MTUS2: variants seen among roughly 807,000 people sequenced by gnomAD.
The protein encoded by MTUS2 is microtubule associated scaffold protein 2, also known as microtubule-associated tumor suppressor candidate 2.
In MTUS2, 40 loss-of-function variants were observed where a neutral mutation model predicts 114.1. The observed-to-expected ratio is 0.35, with a 90% confidence interval of 0.27 to 0.46. The LOEUF (loss-of-function observed/expected upper bound fraction) is 0.46, where lower values mean the gene tolerates loss of function less well. Among genes scored for constraint, MTUS2 ranks in the 20% least tolerant of loss-of-function variants. MTUS2 has a pLI of 1.00. For synonymous variants in MTUS2, 688 were observed against 672.0 expected (o/e 1.02, Z -0.37); for missense variants, 1,679 against 1,705.4 (o/e 0.98, Z 0.27).
At chr13:29,062,036 GT>G (rs1888443728) in intron 4 of MTUS2, among the ~76,000 whole-genome samples, 2 of 152,184 alleles carry the variant, frequency 1.3e-5, no homozygotes, top group African/African-American at 4.8e-5. Flanking sequence ...TTAGACTTGA[GT>G]GCAATGATAC....
At chr13:29,469,376 C>T (rs565808206) in intron 9 of MTUS2, among the ~76,000 whole-genome samples, 29 of 152,266 alleles carry the variant, frequency 1.9e-4, no homozygotes, top group African/African-American at 6.5e-4. Context: ...CGCCTGTAAT[C>T]CCAGCACTTT....
intron 2 of MTUS2, among the ~76,000 whole-genome samples, chr13:28,981,475 GGTA>G (rs1346187593): frequency 6.6e-6 from 1 of 152,146 alleles, no homozygotes; most frequent in African/African-American, 2.4e-5. Context: ...TCTTGACTAT[GGTA>G]GTAGTTACAG....
At chr13:29,387,289 G>T (rs992333389) in intron 8 of MTUS2, among the ~76,000 whole-genome samples, 1 of 152,182 alleles carries the variant, frequency 6.6e-6, no homozygotes, top group African/African-American at 2.4e-5. Flanking sequence ...TGAACAATCC[G>T]TTGGGCAGAC....
At chr13:28,880,499 G>A (rs1176662238) in intron 2 of MTUS2, among the ~76,000 whole-genome samples, 1 of 152,160 alleles carries the variant, frequency 6.6e-6, no homozygotes. Flanking sequence ...TGGTAACACA[G>A]TGTTTATCCA....
At chr13:29,172,654 TA>T (rs542062198) in intron 5 of MTUS2, among the ~76,000 whole-genome samples, 1 of 152,218 alleles carries the variant, frequency 6.6e-6, no homozygotes, top group South Asian at 2.1e-4. Context: ...AAGATAAAAT[TA>T]CAAAGAGAGA....
At chr13:29,347,595 C>T (rs992527522) in intron 7 of MTUS2, among the ~76,000 whole-genome samples, 3 of 151,878 alleles carry the variant, frequency 2.0e-5, no homozygotes, top group African/African-American at 7.3e-5. Context: ...GTTTCCACAC[C>T]AAGCAATTAT....
chr13:29,306,925 G>T lies in MTUS2; in HGVS notation c.2807-17688G>T, dbSNP rs1899494893. 2.4e-5 allele frequency: 13 copies of T among 537,276 alleles called. 1 individual carries two copies. The highest frequency in any genetic ancestry group is 2.1e-4 in the Admixed American group (11 of 52,010). 33.3% of individuals were successfully genotyped at this position (537,276 alleles called of 1,614,324 possible). A position where few individuals can be genotyped will look rare whatever the true frequency, so the allele number is the denominator to read the frequency against. ...CTACATGGTCTACATGTTCCAGTAT[G>T]GTTCTACCCATGGCAAATTCCATGG... On this transcript the variant is annotated intron_variant, in intron 6 of 15. Coordinates refer to ENST00000612955, the MANE Select transcript of MTUS2 (RefSeq NM_001033602.4).
intron 2 of MTUS2, among the ~76,000 whole-genome samples, chr13:28,901,889 A>C (rs887832405): frequency 6.6e-6 from 1 of 152,208 alleles, no homozygotes; most frequent in East Asian, 1.9e-4. Context: ...AACAAACAAA[A>C]ACCTTGATGG....
chr13:29,389,456 T>TGTGTGTGTGTATATGTATACAC (rs1873005202), intron 8 of MTUS2, among the ~76,000 whole-genome samples: 1 of 117,860 alleles, frequency 8.5e-6, no homozygotes, highest in Admixed American at 9.4e-5. Flanking sequence ...TGTATACACG[T>TGTGTGTGTGTATATGTATACAC]GTGTGTATGT....
chr13:29,148,381 A>AC (rs1892524279), intron 5 of MTUS2, among the ~76,000 whole-genome samples: 1 of 60,836 alleles, frequency 1.6e-5, no homozygotes, highest in Non-Finnish European at 3.2e-5. Flanking sequence ...CCTCTGACAG[A>AC]CCCCAGTGTG....
At chr13:29,377,427 T>A (rs1871837595) in intron 8 of MTUS2, among the ~76,000 whole-genome samples, 1 of 152,172 alleles carries the variant, frequency 6.6e-6, no homozygotes, top group Non-Finnish European at 1.5e-5. Flanking sequence ...AAAAAAGATT[T>A]TGTCTCATTG....
intron 4 of MTUS2, among the ~76,000 whole-genome samples, chr13:29,100,206 T>C (rs557073509): frequency 2.0e-5 from 3 of 152,326 alleles, no homozygotes; most frequent in Admixed American, 6.5e-5. Context: ...CAGCTCGTCA[T>C]TGGGAGAGCT....
intron 2 of MTUS2, among the ~76,000 whole-genome samples, chr13:28,981,841 G>A (rs768396760): frequency 2.6e-5 from 4 of 152,192 alleles, no homozygotes; most frequent in Admixed American, 6.5e-5. Context: ...AAGGTCAGGG[G>A]TTCAGGATGA....
intron 5 of MTUS2, among the ~76,000 whole-genome samples, chr13:29,140,949 C>T (rs181149844): frequency 6.6e-6 from 1 of 152,302 alleles, no homozygotes; most frequent in Admixed American, 6.5e-5. Flanking sequence ...TCGATGTGCA[C>T]TAGATATTAG....
At chr13:29,473,791 T>C (rs1250409737) in intron 9 of MTUS2, among the ~76,000 whole-genome samples, 1 of 152,184 alleles carries the variant, frequency 6.6e-6, no homozygotes, top group Admixed American at 6.5e-5. Flanking sequence ...TTTTCTCAGC[T>C]CCCTAGATTG....
rs10682778 is a variant in MTUS2, at chr13:29,281,419, CTGTGTGTGTG to C, written c.2645-264_2645-255del. ...TGTGTGTGCATGTATGTATGTATGT[CTGTGTGTGTG>C]TGTGTGTGTGTGTGTGTGTGCATGC... On this transcript the variant is annotated intron_variant, in intron 5 of 15. Transcript: ENST00000612955. Among the ~76,000 whole-genome samples the C allele has an allele frequency of 8.2e-5, 12 of 146,638 alleles. 1 individual carries two copies. The highest frequency in any genetic ancestry group is 2.8e-4 in the African/African-American group (11 of 39,934).
chr13:29,430,652 A>G (rs1351184811), intron 8 of MTUS2, among the ~76,000 whole-genome samples: 1 of 152,202 alleles, frequency 6.6e-6, no homozygotes, highest in Non-Finnish European at 1.5e-5. Flanking sequence ...GTGCTCTTTT[A>G]ATGAATTGAG....
At chr13:29,414,317 A>T (rs1265375668) in intron 8 of MTUS2, among the ~76,000 whole-genome samples, 1 of 93,812 alleles carries the variant, frequency 1.1e-5, no homozygotes. Context: ...GGGTCGGGGG[A>T]GGGGGGAGGG....
At chr13:29,145,583 G>A (rs149805581) in intron 5 of MTUS2, among the ~76,000 whole-genome samples, 24 of 152,250 alleles carry the variant, frequency 1.6e-4, no homozygotes, top group African/African-American at 5.8e-4. Context: ...CCAATGTTCA[G>A]TTTAGGTTTG....
Sources: allele counts gnomAD v4.1 joint callset (sites outside exome capture counted in the v4.1 genomes callset), GRCh38; gene constraint gnomAD v4.1.1; transcripts MANE v1.5; gene names NCBI Gene and HGNC (gene_info 2026-07-23, HGNC 2026-07-21).